Variants in RASGRF1 observed in about 807,000 individuals in gnomAD.
The protein encoded by RASGRF1 is ras-specific guanine nucleotide-releasing factor 1.
Under a neutral mutation model 138.7 loss-of-function variants are expected in RASGRF1, and 40 were observed. The ratio of observed to expected loss-of-function variants is 0.29; its 90% CI spans 0.22 to 0.38. The LOEUF (loss-of-function observed/expected upper bound fraction) is 0.38, where lower values mean the gene tolerates loss of function less well. Among genes scored for constraint, RASGRF1 ranks in the 10% least tolerant of loss-of-function variants. RASGRF1 has a pLI of 1.00. For missense variants in RASGRF1, 1,108 were observed against 1,650.4 expected, an observed-to-expected ratio of 0.67 and a Z score of 5.69; for synonymous variants, 614 against 663.2, an observed-to-expected ratio of 0.93 and a Z score of 1.14.
chr15:79,061,431 T>TATATATATATATATATATATATATAA (rs1555461889), intron 2 of RASGRF1, among the ~76,000 whole-genome samples: 5 of 144,598 alleles, frequency 3.5e-5, no homozygotes, highest in Admixed American at 7.0e-5. Context: ...TATATATATA[T>TATATATATATATATATATATATATAA]CATTCATTTT....
chr15:78,966,473 C>T (rs1306191299), intron 26 of RASGRF1, among the ~76,000 whole-genome samples: 1 of 152,018 alleles, frequency 6.6e-6, no homozygotes, highest in East Asian at 1.9e-4. Flanking sequence ...CTTCTGGCCT[C>T]AAGCAATTCT....
chr15:79,034,867 T>C (rs571548118), intron 6 of RASGRF1, among the ~76,000 whole-genome samples: 1 of 152,252 alleles, frequency 6.6e-6, no homozygotes, highest in African/African-American at 2.4e-5. Context: ...TCTACTTTTA[T>C]GGGTTCTCAA....
chr15:78,993,304 G>C (rs2056318537), intron 20 of RASGRF1, among the ~76,000 whole-genome samples: 1 of 85,138 alleles, frequency 1.2e-5, no homozygotes, highest in Non-Finnish European at 2.7e-5. Flanking sequence ...TGTGTGGTCT[G>C]GTGTGTGTGT....
chr15:78,968,250 ATGTG>A (rs10529968), intron 26 of RASGRF1, among the ~76,000 whole-genome samples: 2 of 134,226 alleles, frequency 1.5e-5, no homozygotes, highest in East Asian at 2.1e-4. Flanking sequence ...CATGACACTG[ATGTG>A]TGTGTGTGTG....
At chr15:78,979,314 T>G in intron 24 of RASGRF1, 1 of 743,622 alleles carries the variant, frequency 1.3e-6, no homozygotes, top group Non-Finnish European at 1.9e-6. Flanking sequence ...CAGACGAGGC[T>G]GGCAGAGGGG....
rs763195961 is a variant in RASGRF1 at position 78,973,437 on chromosome 15, A to T, written c.3495-17T>A. ...GGGTCACAACTTGGAAGCAAACGGC[A>T]TTAACACAAGTTTTTCATTTTAAAA... On this transcript the variant is annotated splice_polypyrimidine_tract_variant and intron_variant, in intron 24 of 26. Coordinates refer to ENST00000558480, the MANE Select transcript of RASGRF1 (RefSeq NM_001145648.3). This position sits in a 1 kb window ranked among gnomAD's most constrained non-coding sequence, Gnocchi z 4.9. 1 of 1,544,702 alleles carries T rather than the reference A, an allele frequency of 6.5e-7. No individual in the cohort carries two copies.
rs551342039 is a variant in RASGRF1 at position 79,039,056 on chromosome 15, C to T, written c.879-3846G>A. The stretch of plus-strand genomic sequence containing the variant: ...AATTCTTGCCAGGTGAGGTGGCTCA[C>T]GCCTGTAATGTCAGCACTTTGGGAG... On this transcript the variant is annotated intron_variant, in intron 5 of 26. Transcript: ENST00000558480. Among the ~76,000 whole-genome samples the T allele has an allele frequency of 8.5e-4, 129 of 152,080 alleles. 1 individual carries two copies. The highest frequency in any genetic ancestry group is 2.7e-3 in the African/African-American group (114 of 41,494).
intron 5 of RASGRF1, among the ~76,000 whole-genome samples, chr15:79,035,669 A>AGG (rs1373983851): frequency 1.3e-5 from 2 of 152,212 alleles, no homozygotes; most frequent in Non-Finnish European, 2.9e-5. Flanking sequence ...ATTAGCACAG[A>AGG]GGGGGGCTGA....
At chr15:79,082,664 T>C (rs1233329168) in intron 1 of RASGRF1, among the ~76,000 whole-genome samples, 3 of 152,132 alleles carry the variant, frequency 2.0e-5, no homozygotes, top group Non-Finnish European at 2.9e-5. Flanking sequence ...AGGGCACAGC[T>C]CTGAGAGATA....
At chr15:79,055,770 C>T (rs2057502520) in intron 3 of RASGRF1, among the ~76,000 whole-genome samples, 1 of 152,220 alleles carries the variant, frequency 6.6e-6, no homozygotes, top group East Asian at 1.9e-4. Flanking sequence ...CTTGGGTTCA[C>T]AGCGCAAGCC....
intron 5 of RASGRF1, among the ~76,000 whole-genome samples, chr15:79,040,495 C>T (rs2057283207): frequency 6.6e-6 from 1 of 152,232 alleles, no homozygotes. Context: ...GTCTCATGGG[C>T]TACTCCCTCT....
chr15:78,976,119 G>A (rs1383033630), intron 24 of RASGRF1, among the ~76,000 whole-genome samples: 1 of 152,172 alleles, frequency 6.6e-6, no homozygotes, highest in Non-Finnish European at 1.5e-5. Context: ...TGACCACCCA[G>A]ATCAGTGAAA....
At chr15:79,008,954 C>T (rs1432431630) in intron 13 of RASGRF1, among the ~76,000 whole-genome samples, 1 of 152,136 alleles carries the variant, frequency 6.6e-6, no homozygotes, top group Non-Finnish European at 1.5e-5. Flanking sequence ...GATAAATGAC[C>T]CTCGTCTTTG....
chr15:79,055,870 G>A (rs973633722), intron 3 of RASGRF1, among the ~76,000 whole-genome samples: 6 of 152,104 alleles, frequency 3.9e-5, no homozygotes, highest in East Asian at 3.8e-4. Context: ...CCTGACAACC[G>A]TCCACTCATC....
chr15:79,035,949 T>G (rs1595925134), intron 5 of RASGRF1, among the ~76,000 whole-genome samples: 1 of 152,348 alleles, frequency 6.6e-6, no homozygotes, highest in East Asian at 1.9e-4. Context: ...TGTCGCCACG[T>G]AACGTGCTGA....
At chr15:78,993,445 G>A (rs2056324694) in intron 20 of RASGRF1, among the ~76,000 whole-genome samples, 1 of 151,954 alleles carries the variant, frequency 6.6e-6, no homozygotes, top group African/African-American at 2.4e-5. Context: ...GAGCTGCCCT[G>A]GGCAGGGAAG....
chr15:79,010,028 G>GTTTTTTT, intron 13 of RASGRF1, among the ~76,000 whole-genome samples: 1 of 143,322 alleles, frequency 7.0e-6, no homozygotes. Context: ...CAGCCTCTTT[G>GTTTTTTT]TTTGTTTTTT....
intron 24 of RASGRF1, chr15:78,980,278 C>A (rs772166436): frequency 1.1e-5 from 2 of 184,674 alleles, no homozygotes; most frequent in Non-Finnish European, 2.2e-5. Flanking sequence ...GACGTTAAGA[C>A]GTCTCCTGAT....
chr15:79,015,150 A>G (rs555754838), intron 13 of RASGRF1, among the ~76,000 whole-genome samples, 177 bp downstream of exon 13: 34 of 152,282 alleles, frequency 2.2e-4, no homozygotes, highest in Non-Finnish European at 1.9e-4. Context: ...GCAATCATCC[A>G]AATAGCAATC....
Sources: allele counts gnomAD v4.1 joint callset (sites outside exome capture counted in the v4.1 genomes callset), GRCh38; gene constraint gnomAD v4.1.1; non-coding constraint Gnocchi (gnomAD v3.1); transcripts MANE v1.5; gene names NCBI Gene and HGNC (gene_info 2026-07-23, HGNC 2026-07-21).